AKAP9: variants seen among roughly 807,000 people sequenced by gnomAD.
The protein encoded by AKAP9 is A-kinase anchoring protein 9, also known as A-kinase anchor protein 9.
A neutral mutation model predicts 488.5 loss-of-function variants in AKAP9; 311 were observed. The ratio of observed to expected loss-of-function variants is 0.64; its 90% confidence interval spans 0.58 to 0.70. AKAP9 has a LOEUF of 0.70. AKAP9 is among the 30% of genes least tolerant of loss of function. AKAP9 has a pLI of 0.00. For synonymous variants in AKAP9, 1,462 were observed against 1,483.5 expected (o/e 0.99, Z 0.33); for missense variants, 4,215 against 4,374.5 (o/e 0.96, Z 1.03).
chr7:91,983,936 C>G (rs1407397323), intron 3 of AKAP9, among the ~76,000 whole-genome samples: 2 of 152,184 alleles, frequency 1.3e-5, no homozygotes, highest in Admixed American at 1.3e-4. Flanking sequence ...TGAATGTCTT[C>G]TTTTGAGAAG....
rs772530488 is a variant in AKAP9, at chr7:92,095,177, CT to C, written c.9729+5del. Reference sequence around the variant, plus strand: ...ACGGGATAAAGAAGAACTTGAGGTACTGTTATCTTTGTCTTTAAATGTCTGG... The same window carrying C: ...ACGGGATAAAGAAGAACTTGAGGTACGTTATCTTTGTCTTTAAATGTCTGG... On this transcript the variant is annotated splice_donor_5th_base_variant and intron_variant, in intron 40 of 49. Coordinates refer to ENST00000356239, the MANE Select transcript of AKAP9 (RefSeq NM_005751.5). The C allele has an allele frequency of 4.3e-6, 7 of 1,613,988 alleles. No individual in the cohort carries two copies. The highest frequency in any genetic ancestry group is 1.1e-5 in the South Asian group (1 of 91,084).
chr7:92,008,473 G>C (rs1301318996), intron 8 of AKAP9, among the ~76,000 whole-genome samples: 2 of 152,042 alleles, frequency 1.3e-5, no homozygotes, highest in African/African-American at 4.8e-5. Context: ...GGATCACGAG[G>C]CCAGGAGATC....
chr7:92,008,349 A>G (rs527333689), intron 8 of AKAP9, among the ~76,000 whole-genome samples: 2 of 151,960 alleles, frequency 1.3e-5, no homozygotes. Flanking sequence ...CCTAGGCGAC[A>G]GAAAAAAAGA....
chr7:91,950,108 A>G (rs1446773565), intron 1 of AKAP9, among the ~76,000 whole-genome samples: 1 of 152,160 alleles, frequency 6.6e-6, no homozygotes, highest in East Asian at 1.9e-4. Flanking sequence ...CTAATAGGGT[A>G]TAAAATCTAG....
Position 91,941,004 on chromosome 7 carries a change from G to A in AKAP9, c.-96G>A. On this transcript the variant is annotated 5_prime_UTR_variant, in exon 1 of 50. Transcript: ENST00000356239. Reference sequence around the variant, plus strand: ...GGACCGAATCGGCTCTCTAGGCCGTGGAGCTTGCCGTCCCACCTCCGTCCA... The same window carrying A: ...GGACCGAATCGGCTCTCTAGGCCGTAGAGCTTGCCGTCCCACCTCCGTCCA... The A allele has an allele frequency of 1.5e-6, 2 of 1,299,876 alleles. No individual in the cohort carries two copies. The highest frequency in any genetic ancestry group is 2.4e-5 in the South Asian group (2 of 84,760). The allele number at this position is 1,299,876 out of a possible 1,614,324, so 80.5% of individuals were successfully genotyped here. A position where few individuals can be genotyped will look rare whatever the true frequency, so the allele number is the denominator to read the frequency against.
At chr7:92,077,172 T>G (rs1413534861) in intron 29 of AKAP9, among the ~76,000 whole-genome samples, 165 bp downstream of exon 29, 1 of 147,318 alleles carries the variant, frequency 6.8e-6, no homozygotes, top group South Asian at 2.2e-4. Flanking sequence ...CTCGGCTCAT[T>G]GCAAGCTCCG....
At position 91,992,947 on chromosome 7, in the gene AKAP9, T is replaced by C. The variant is rs1257692538; in HGVS notation, c.468T>C (p.His156=). ...SEQGAQDSPT[H]LEMMESELAG... ...AAGGAGCACAAGACAGTCCGACTCATCTAGAGATGATGGAAAGTGAGTTGG... is the reference window on the plus strand; with the variant it reads ...AAGGAGCACAAGACAGTCCGACTCACCTAGAGATGATGGAAAGTGAGTTGG... Residue 156 remains histidine, a synonymous_variant, in exon 5 of 50, where the codon CAT becomes CAC. Transcript: ENST00000356239. 2.5e-6 allele frequency: 4 copies of C among 1,614,040 alleles called. No homozygotes were observed. The South Asian group carries it at 4.4e-5, about 18-fold the overall frequency.
Position 92,016,205 on chromosome 7 carries a change from CTGG to C in AKAP9, c.3692_3694del (p.Gly1231del). On this transcript the variant is annotated inframe_deletion, in exon 11 of 50. Transcript: ENST00000356239. ...GTAAATGCAGAAGACAAAGAGAATTCTGGTGATTACATTTCTGAAAATGAAGAT... is the reference window on the plus strand; with the variant it reads ...GTAAATGCAGAAGACAAAGAGAATTCTGATTACATTTCTGAAAATGAAGAT... 2 of 1,584,150 alleles carry C rather than the reference CTGG, an allele frequency of 1.3e-6. No individual in the cohort carries two copies. The highest frequency in any genetic ancestry group is 1.7e-6 in the Non-Finnish European group (2 of 1,154,222).
chr7:91,997,501 G>A (rs185683176), intron 7 of AKAP9, among the ~76,000 whole-genome samples: 1 of 152,292 alleles, frequency 6.6e-6, no homozygotes, highest in African/African-American at 2.4e-5. Flanking sequence ...GTAAACAAGT[G>A]GGTAAATTAA....
Position 91,991,012 on chromosome 7 carries a change from T to C in AKAP9, c.352-1146T>C, listed in dbSNP as rs185035299. ...ATCTACACCATATACTCTGTCCATC[T>C]CATGTTCATTTAGTAGCTGTCTACC... On this transcript the variant is annotated intron_variant, in intron 3 of 49. Coordinates refer to ENST00000356239, the MANE Select transcript of AKAP9 (RefSeq NM_005751.5). 2.4e-3 allele frequency among the ~76,000 whole-genome samples: 366 copies of C among 152,324 alleles called. 3 individuals are homozygous for C. Among genetic ancestry groups the C allele is most frequent in the African/African-American group, 8.4e-3 (349 of 41,578 alleles).
chr7:92,085,739 A>C (rs1378305752), intron 36 of AKAP9, 53 bp downstream of exon 36: 2 of 1,231,680 alleles, frequency 1.6e-6, no homozygotes, highest in African/African-American at 3.0e-5. Context: ...TTTGAACAAT[A>C]ATAATACATT....
chr7:91,954,482 C>T (rs912141617), intron 1 of AKAP9, among the ~76,000 whole-genome samples: 6 of 152,108 alleles, frequency 3.9e-5, no homozygotes, highest in South Asian at 2.1e-4. Context: ...CACTATGTTG[C>T]GTAGGTTGGT....
At chr7:92,008,551 G>T (rs1800252240) in intron 8 of AKAP9, among the ~76,000 whole-genome samples, 1 of 151,532 alleles carries the variant, frequency 6.6e-6, no homozygotes, top group African/African-American at 2.4e-5. Context: ...GCTAGGCATG[G>T]TGGCATGCGC....
At chr7:92,013,441 A>G (rs568120206) in intron 9 of AKAP9, among the ~76,000 whole-genome samples, 4 of 152,292 alleles carry the variant, frequency 2.6e-5, no homozygotes, top group South Asian at 4.1e-4. Context: ...AAAAAGTTTT[A>G]TTCTGAAAGA....
chr7:92,042,418 A>T (rs1201232495), intron 19 of AKAP9, among the ~76,000 whole-genome samples: 1 of 152,160 alleles, frequency 6.6e-6, no homozygotes, highest in Non-Finnish European at 1.5e-5. Flanking sequence ...AACCTAACAA[A>T]CTTTATTGTT....
chr7:92,016,102 T>A (rs767203614), intron 10 of AKAP9, 27 bp from the exon 11 acceptor site: 3 of 1,579,196 alleles, frequency 1.9e-6, no homozygotes, highest in South Asian at 2.2e-5. Flanking sequence ...TTAAATTCCT[T>A]AAAATACACA....
chr7:92,071,201 C>T (rs1811671882), intron 28 of AKAP9, among the ~76,000 whole-genome samples, 192 bp downstream of exon 28: 2 of 152,090 alleles, frequency 1.3e-5, no homozygotes, highest in South Asian at 4.1e-4. Context: ...AAGAAGAGTG[C>T]TCCAGATAGA....
At chr7:92,010,422 T>C (rs1800550923) in intron 8 of AKAP9, among the ~76,000 whole-genome samples, 1 of 152,242 alleles carries the variant, frequency 6.6e-6, no homozygotes, top group Non-Finnish European at 1.5e-5. Flanking sequence ...CTATGCTGAA[T>C]AAATGCCCGC....
intron 1 of AKAP9, among the ~76,000 whole-genome samples, chr7:91,959,065 T>G (rs1295416525): frequency 6.6e-6 from 1 of 151,702 alleles, no homozygotes; most frequent in African/African-American, 2.4e-5. Context: ...TTGTATTTTT[T>G]GTAGAGATGA....
Sources: allele counts gnomAD v4.1 joint callset (sites outside exome capture counted in the v4.1 genomes callset), GRCh38; gene constraint gnomAD v4.1.1; transcripts MANE v1.5; gene names NCBI Gene and HGNC (gene_info 2026-07-23, HGNC 2026-07-21).